ANXA4: variants seen among roughly 807,000 people sequenced by gnomAD.
ANXA4 encodes annexin A4.
In ANXA4, 39 loss-of-function variants were observed where a neutral mutation model predicts 49.8. That is an observed-to-expected ratio of 0.78 (90% CI 0.61 to 1.02). The LOEUF is 1.02. Ranked by LOEUF, ANXA4 falls within the 50% of genes least tolerant of loss-of-function variation. The pLI is 0.00. For synonymous variants in ANXA4, 134 were observed against 152.5 expected (o/e 0.88, Z 0.89); for missense variants, 360 against 410.1 (o/e 0.88, Z 1.05).
Position 69,819,357 on chromosome 2 carries a change from A to T in ANXA4, c.783+19A>T. 6.3e-7 allele frequency: 1 copy of T among 1,584,542 alleles called. No homozygotes were observed. The highest frequency in any genetic ancestry group is 8.6e-7 in the Non-Finnish European group (1 of 1,158,148). ...GATGAAGGTAAATGGCCTTATTTTCAGCATCTAAATGAATTTGAGTTATCT... is the reference window on the plus strand; with the variant it reads ...GATGAAGGTAAATGGCCTTATTTTCTGCATCTAAATGAATTTGAGTTATCT... On this transcript the variant is annotated intron_variant, in intron 11 of 12. Transcript: ENST00000394295.
chr2:69,812,578 C>T, intron 7 of ANXA4, 75 bp from the exon 8 acceptor site: 4 of 1,295,178 alleles, frequency 3.1e-6, no homozygotes, highest in Non-Finnish European at 3.3e-6. Flanking sequence ...TACTCTAGAC[C>T]TGCTATCTTA....
Position 69,676,801 on chromosome 2 carries a change from G to C in ANXA4, n.766+23519G>C, listed in dbSNP as rs1409381360. On this transcript the variant is annotated intron_variant and non_coding_transcript_variant, in intron 2 of 3. Transcript: ENST00000418066. ...CCAGCTACTAGGGAGGCTGAGGCAG[G>C]AGAATTGCTTGAACCCGGGAGGTGG... is the stretch of plus-strand genomic sequence containing the variant. Among the ~76,000 whole-genome samples the C allele has an allele frequency of 2.0e-5, 3 of 152,114 alleles. No homozygotes were observed. In the East Asian group the frequency reaches 5.8e-4, roughly 29 times the overall value.
intron 3 of ANXA4, among the ~76,000 whole-genome samples, chr2:69,789,338 G>A (rs935374231): frequency 4.6e-5 from 7 of 152,104 alleles, no homozygotes; most frequent in African/African-American, 1.7e-4. Context: ...TCTCAAGCTC[G>A]GGGTCATCAG....
intron 2 of ANXA4, among the ~76,000 whole-genome samples, chr2:69,673,660 A>G (rs1389383011): frequency 6.6e-6 from 1 of 151,548 alleles, no homozygotes; most frequent in African/African-American, 2.4e-5. Context: ...TATATTAAAA[A>G]AAAAGAAAAG....
At chr2:69,805,046 CAAAAAAA>C (rs60172949) in intron 4 of ANXA4, among the ~76,000 whole-genome samples, 2,650 of 35,782 alleles carry the variant, frequency 0.074, 80 homozygotes, top group African/African-American at 0.2. Context: ...GACTCCATCT[CAAAAAAA>C]AAAAAAAAAA....
intron 3 of ANXA4, among the ~76,000 whole-genome samples, chr2:69,730,649 T>C (rs993604207): frequency 6.6e-6 from 1 of 152,216 alleles, no homozygotes; most frequent in African/African-American, 2.4e-5. Context: ...ATGGCCCCTA[T>C]GCGACTTGGA....
chr2:69,646,213 C>A (rs1364393572), intron 1 of ANXA4, among the ~76,000 whole-genome samples: 1 of 152,100 alleles, frequency 6.6e-6, no homozygotes, highest in Non-Finnish European at 1.5e-5. Flanking sequence ...TTTTTTAGTT[C>A]CTGAGTACAA....
chr2:69,646,054 C>CT (rs1445713418), intron 1 of ANXA4, among the ~76,000 whole-genome samples: 1 of 152,152 alleles, frequency 6.6e-6, no homozygotes, highest in Non-Finnish European at 1.5e-5. Context: ...GATTAAAAGA[C>CT]TCGTGAATAG....
chr2:69,777,094 A>C (rs571571583), intron 1 of ANXA4, among the ~76,000 whole-genome samples: 1 of 152,176 alleles, frequency 6.6e-6, no homozygotes, highest in Non-Finnish European at 1.5e-5. Flanking sequence ...GGAAGAATGC[A>C]TAGGGTGGGG....
At chr2:69,807,020 A>G (rs1476632017) in intron 5 of ANXA4, among the ~76,000 whole-genome samples, 1 of 152,232 alleles carries the variant, frequency 6.6e-6, no homozygotes, top group Non-Finnish European at 1.5e-5. Flanking sequence ...TTAAAAAAGA[A>G]AGAAACTATG....
chr2:69,792,061 T>G (rs1211832199), intron 3 of ANXA4, among the ~76,000 whole-genome samples: 1 of 152,222 alleles, frequency 6.6e-6, no homozygotes, highest in Admixed American at 6.5e-5. Context: ...TAAATAATAC[T>G]GTTTACCTCT....
chr2:69,684,860 G>T (rs1369416260), intron 2 of ANXA4, among the ~76,000 whole-genome samples: 1 of 152,108 alleles, frequency 6.6e-6, no homozygotes, highest in Non-Finnish European at 1.5e-5. Context: ...GAGAAATAGA[G>T]AAAGAGCATA....
intron 2 of ANXA4, among the ~76,000 whole-genome samples, chr2:69,690,146 A>T (rs2105370982): frequency 6.6e-6 from 1 of 152,330 alleles, no homozygotes; most frequent in South Asian, 2.1e-4. Flanking sequence ...ATCAAAATTA[A>T]AATTTAAGGA....
chr2:69,703,718 C>T (rs1678403887), intron 2 of ANXA4, among the ~76,000 whole-genome samples: 1 of 152,224 alleles, frequency 6.6e-6, no homozygotes, highest in Non-Finnish European at 1.5e-5. Flanking sequence ...AATGTCACCA[C>T]TATCATCTAC....
At chr2:69,767,314 T>C (rs766534940) in intron 1 of ANXA4, among the ~76,000 whole-genome samples, 1 of 152,206 alleles carries the variant, frequency 6.6e-6, no homozygotes, top group Non-Finnish European at 1.5e-5. Context: ...GGTCATTATA[T>C]CTAACCTGTT....
At chr2:69,686,695 A>G (rs543916246) in intron 2 of ANXA4, among the ~76,000 whole-genome samples, 54 of 152,274 alleles carry the variant, frequency 3.5e-4, no homozygotes, top group African/African-American at 1.2e-3. Flanking sequence ...GGCTCAAGCA[A>G]TCCTCTGGAC....
At chr2:69,679,149 G>A (rs1360852762) in intron 2 of ANXA4, among the ~76,000 whole-genome samples, 1 of 151,642 alleles carries the variant, frequency 6.6e-6, no homozygotes, top group Non-Finnish European at 1.5e-5. Flanking sequence ...AAAAGTTTTT[G>A]GTTTTGAGAC....
At chr2:69,791,024 A>T (rs1672670827) in intron 3 of ANXA4, among the ~76,000 whole-genome samples, 1 of 152,244 alleles carries the variant, frequency 6.6e-6, no homozygotes, top group South Asian at 2.1e-4. Context: ...TCATCCTTAC[A>T]TAAGCCTCTT....
intron 2 of ANXA4, among the ~76,000 whole-genome samples, chr2:69,720,560 G>A (rs1669789336): frequency 6.6e-6 from 1 of 152,180 alleles, no homozygotes; most frequent in Non-Finnish European, 1.5e-5. Flanking sequence ...ATGGCAAGGG[G>A]CAGCCATGGA....
Sources: gnomAD v4.1 joint callset for allele counts (sites outside exome capture counted in the v4.1 genomes callset) on GRCh38, gnomAD v4.1.1 for gene constraint, MANE v1.5 for transcripts, NCBI Gene and HGNC (gene_info 2026-07-23, HGNC 2026-07-21) for gene names.